Variants in PLEKHA3 observed in about 807,000 individuals in gnomAD.
PLEKHA3 encodes the protein pleckstrin homology domain-containing family A member 3.
A neutral mutation model predicts 39.2 loss-of-function variants in PLEKHA3; 19 were observed. That is an observed-to-expected ratio of 0.48 (90% CI 0.34 to 0.71). PLEKHA3 has a LOEUF of 0.71. PLEKHA3 is among the 30% of genes least tolerant of loss of function. PLEKHA3 has a pLI of 0.01. For missense variants in PLEKHA3, 253 were observed against 359.5 expected (o/e 0.70, Z 2.40); for synonymous variants, 97 against 118.6 (o/e 0.82, Z 1.18).
At chr2:178,495,805 G>A in intron 5 of PLEKHA3, 145 bp downstream of exon 5, 1 of 859,564 alleles carries the variant, frequency 1.2e-6, no homozygotes, top group East Asian at 2.6e-5. Flanking sequence ...TGTTTGTACT[G>A]TTTCATATTC....
At position 178,510,211 on chromosome 2, in the gene PLEKHA3, A is replaced by C. The variant is rs1007125867; in HGVS notation, c.*6324A>C. On this transcript the variant is annotated 3_prime_UTR_variant, in exon 8 of 8. Coordinates refer to ENST00000234453, the MANE Select transcript of PLEKHA3 (RefSeq NM_019091.4). The stretch of plus-strand genomic sequence containing the variant: ...TAACTAGACTTCATATGAAATGTTC[A>C]GGTGTTAGGTGTTATCTTTCTAAGA... 9 of 152,820 alleles carry C rather than the reference A, an allele frequency of 5.9e-5. No individual in the cohort carries two copies. Among genetic ancestry groups the C allele is most frequent in the African/African-American group, 2.2e-4 (9 of 41,436 alleles). 9.5% of individuals were successfully genotyped at this position (152,820 alleles called of 1,614,324 possible). A position where few individuals can be genotyped will look rare whatever the true frequency, so the allele number is the denominator to read the frequency against.
At position 178,499,214 on chromosome 2, in the gene PLEKHA3, A is replaced by T; in HGVS notation, c.619A>T (p.Lys207Ter). 1.2e-6 allele frequency: 2 copies of T among 1,607,320 alleles called. No individual in the cohort carries two copies. The highest frequency in any genetic ancestry group is 1.7e-6 in the Non-Finnish European group (2 of 1,177,582). The change falls in exon 6 of 8, where the codon AAG becomes TAG. Residue 207 changes from lysine (K) to a stop codon, truncating the protein, a stop_gained. Transcript: ENST00000234453. LOFTEE classifies it high-confidence loss of function. The part of the protein sequence containing the change: ...PVSPSPVQMM[K>*]RSVSHPGSCS... ...TTTTTTTTTCCAAAATTTCTAGATG[A>T]AGCGTTCTGTCAGCCACCCTGGTTC...
intron 2 of PLEKHA3, 49 bp downstream of exon 2, chr2:178,485,806 G>T (rs1375666362): frequency 7.2e-7 from 1 of 1,386,308 alleles, no homozygotes; most frequent in African/African-American, 1.4e-5. Flanking sequence ...ATAGTCAAGG[G>T]TTCTTCAGCA....
rs143337266 is a variant in PLEKHA3, at chr2:178,493,917, C to T, written c.378C>T (p.Leu126=). ...KMSELRLYCD[L]LMQQVHTIQE... is the part of the protein sequence containing the mutation. ...CTGAACTTCGCCTCTACTGTGACCT[C>T]TTAATGCAGCAAGTTCATACAATAC... Residue 126 remains leucine (L), a synonymous_variant, in exon 4 of 8, where the codon CTC becomes CTT. Transcript: ENST00000234453. 159 of 1,613,950 alleles carry T rather than the reference C, an allele frequency of 9.9e-5. No homozygotes were observed. In the Middle Eastern group the frequency reaches 9.9e-4, roughly 10 times the overall value.
rs1054749129 is a variant in PLEKHA3, at chr2:178,512,854, T to C, written c.*8967T>C. The C allele has an allele frequency of 6.5e-6, 1 of 153,750 alleles. No individual in the cohort carries two copies. The highest frequency in any genetic ancestry group is 1.5e-5 in the Non-Finnish European group (1 of 68,026). 9.5% of individuals were successfully genotyped at this position (153,750 alleles called of 1,614,324 possible). A position where few individuals can be genotyped will look rare whatever the true frequency, so the allele number is the denominator to read the frequency against. Reference sequence around the variant, plus strand: ...AAGCAATACCTGAGTTATTAAGCAATCATTTAGACAGTATGAATAAACCAA... The same window carrying C: ...AAGCAATACCTGAGTTATTAAGCAACCATTTAGACAGTATGAATAAACCAA... On this transcript the variant is annotated 3_prime_UTR_variant, in exon 8 of 8. Coordinates refer to ENST00000234453, the MANE Select transcript of PLEKHA3 (RefSeq NM_019091.4).
In PLEKHA3 at chr2:178,509,267, TA is replaced by T. The variant is rs1328477071; in HGVS notation, c.*5386del. The T allele has an allele frequency of 6.6e-6, 1 of 152,146 alleles. No homozygotes were observed. The allele number at this position is 152,146 out of a possible 1,614,324, so 9.4% of individuals were successfully genotyped here. ...TCTAGATTTAAATTCTAATAGTGTA[TA>T]AAAAATAAAAATTCTTTAGTATTAA... On this transcript the variant is annotated 3_prime_UTR_variant, in exon 8 of 8. Coordinates refer to ENST00000234453, the MANE Select transcript of PLEKHA3 (RefSeq NM_019091.4).
intron 1 of PLEKHA3, among the ~76,000 whole-genome samples, chr2:178,484,850 G>A (rs535687240): frequency 6.6e-6 from 1 of 152,330 alleles, no homozygotes; most frequent in African/African-American, 2.4e-5. Context: ...CTTGTCGTCA[G>A]CTTTGGCATG....
At chr2:178,493,697 T>C (rs1575144584) in intron 3 of PLEKHA3, among the ~76,000 whole-genome samples, 156 bp from the exon 4 acceptor site, 1 of 152,242 alleles carries the variant, frequency 6.6e-6, no homozygotes. Flanking sequence ...GAAGAGAAGA[T>C]GTTTCCTTAG....
At chr2:178,496,817 C>G (rs1025268658) in intron 5 of PLEKHA3, among the ~76,000 whole-genome samples, 4 of 152,112 alleles carry the variant, frequency 2.6e-5, no homozygotes, top group African/African-American at 9.7e-5. Flanking sequence ...CAAGTTCCAG[C>G]CTCCTGAGTA....
Position 178,480,860 on chromosome 2 carries a change from G to A in PLEKHA3, c.-10G>A, listed in dbSNP as rs777057754. 7.6e-7 allele frequency: 1 copy of A among 1,319,074 alleles called. No homozygotes were observed. Among genetic ancestry groups the A allele is most frequent in the Non-Finnish European group, 9.7e-7 (1 of 1,025,902 alleles). The allele number at this position is 1,319,074 out of a possible 1,614,324, so 81.7% of individuals were successfully genotyped here. On this transcript the variant is annotated 5_prime_UTR_variant, in exon 1 of 8. Transcript: ENST00000234453. ...GGGCCGGGAGGATGCGCGGTGTGGG[G>A]CTCTGAAGCATGGAGGGGGTGTTGT... is the stretch of plus-strand genomic sequence containing the variant.
chr2:178,499,099 C>T, intron 5 of PLEKHA3, 112 bp from the exon 6 acceptor site: 1 of 1,041,818 alleles, frequency 9.6e-7, no homozygotes. Context: ...TGCCAGTTAT[C>T]TTTTTCTCTG....
chr2:178,502,528 A>G (rs1575147175), intron 7 of PLEKHA3: 2 of 198,264 alleles, frequency 1.0e-5, no homozygotes, highest in Non-Finnish European at 1.2e-5. Flanking sequence ...CCTTTTACAC[A>G]TGACTCTTAA....
chr2:178,503,777 A>G lies in PLEKHA3; in HGVS notation c.793A>G (p.Lys265Glu). The change falls in exon 8 of 8, where the codon AAA becomes GAA. Residue 265 changes from lysine (K) to glutamate (E), a missense_variant. This residue lies in a region of PLEKHA3 where 127 missense variants were observed against 136.8 expected (regional missense o/e 0.93). Coordinates refer to ENST00000234453, the MANE Select transcript of PLEKHA3 (RefSeq NM_019091.4). Reference protein sequence around the residue: ...EDPDRPVHCSKNTLNGDLASA... With the variant: ...EDPDRPVHCSENTLNGDLASA... ...CTTCATAGGACCTGTTCACTGTTCA[A>G]AAAATACACTTAATGGAGATTTGGC... The G allele has an allele frequency of 1.2e-6, 2 of 1,611,688 alleles. No homozygotes were observed. Among genetic ancestry groups the G allele is most frequent in the South Asian group, 1.1e-5 (1 of 91,024 alleles).
intron 5 of PLEKHA3, 149 bp downstream of exon 5, chr2:178,495,809 C>T: frequency 2.5e-6 from 2 of 805,848 alleles, no homozygotes; most frequent in Non-Finnish European, 3.9e-6. Flanking sequence ...TGTACTGTTT[C>T]ATATTCGAGC....
chr2:178,490,464 C>T (rs933730769), intron 2 of PLEKHA3, among the ~76,000 whole-genome samples, 195 bp from the exon 3 acceptor site: 3 of 152,250 alleles, frequency 2.0e-5, no homozygotes, highest in Admixed American at 1.3e-4. Flanking sequence ...ATTGTTACCC[C>T]GGGTCTATAT....
At chr2:178,502,514 T>C (rs1402185451) in intron 7 of PLEKHA3, 2 of 219,432 alleles carry the variant, frequency 9.1e-6, no homozygotes, top group African/African-American at 4.8e-5. Context: ...CTTTATTCTT[T>C]ATGCCTTTTA....
chr2:178,492,653 A>G (rs1685369798), intron 3 of PLEKHA3, among the ~76,000 whole-genome samples: 1 of 151,908 alleles, frequency 6.6e-6, no homozygotes, highest in African/African-American at 2.4e-5. Context: ...AGCTAATCAC[A>G]GAAGGACATA....
chr2:178,493,902 C>T lies in PLEKHA3; in HGVS notation c.363C>T (p.Arg121=), dbSNP rs529460745. The T allele has an allele frequency of 1.1e-5, 18 of 1,613,842 alleles. No homozygotes were observed. In the East Asian group the frequency reaches 4.0e-4, roughly 36 times the overall value. The stretch of plus-strand genomic sequence containing the variant: ...TGAAAACCAAAATGTCTGAACTTCG[C>T]CTCTACTGTGACCTCTTAATGCAGC... ...ESLKTKMSEL[R]LYCDLLMQQV... is the part of the protein sequence containing the mutation. Residue 121 remains arginine (R), a synonymous_variant, in exon 4 of 8, where the codon CGC becomes CGT. Transcript: ENST00000234453.
At chr2:178,487,956 A>G (rs1439564097) in intron 2 of PLEKHA3, among the ~76,000 whole-genome samples, 1 of 152,094 alleles carries the variant, frequency 6.6e-6, no homozygotes, top group Non-Finnish European at 1.5e-5. Context: ...ATGATGTTGA[A>G]TACTTTTTTA....
Sources: allele counts gnomAD v4.1 joint callset (sites outside exome capture counted in the v4.1 genomes callset), GRCh38; gene constraint gnomAD v4.1.1; regional missense constraint gnomAD v4.1.1; transcripts MANE v1.5; gene names NCBI Gene and HGNC (gene_info 2026-07-23, HGNC 2026-07-21).